SUCO: variants seen among roughly 807,000 people sequenced by gnomAD.
SUCO encodes SUN domain containing ossification factor, also known as SUN domain-containing ossification factor.
SUCO carries 57 observed loss-of-function variants against 148.1 expected under a neutral mutation model. The ratio of observed to expected loss-of-function variants is 0.38; its 90% CI spans 0.31 to 0.48. The LOEUF (loss-of-function observed/expected upper bound fraction) is 0.48, where lower values mean the gene tolerates loss of function less well. Among genes scored for constraint, SUCO ranks in the 20% least tolerant of loss-of-function variants. The pLI is 0.96. For synonymous variants in SUCO, 470 were observed against 502.7 expected (o/e 0.93, Z 0.87); for missense variants, 1,331 against 1,468.2 (o/e 0.91, Z 1.53).
At chr1:172,580,086 C>T (rs1490605291) in intron 15 of SUCO, among the ~76,000 whole-genome samples, 1 of 152,124 alleles carries the variant, frequency 6.6e-6, no homozygotes, top group African/African-American at 2.4e-5. Context: ...AGTCTAAATA[C>T]TTAGGTTGAT....
chr1:172,594,308 C>T (rs1571276533), intron 19 of SUCO, among the ~76,000 whole-genome samples: 1 of 149,464 alleles, frequency 6.7e-6, no homozygotes, highest in Non-Finnish European at 1.5e-5. Context: ...TTAGTTATTT[C>T]TTGCCTTCTG....
In SUCO at chr1:172,600,141, A is replaced by G; in HGVS notation, c.2991A>G (p.Ser997=). 1 of 1,611,822 alleles carries G rather than the reference A, an allele frequency of 6.2e-7. No homozygotes were observed. The highest frequency in any genetic ancestry group is 8.5e-7 in the Non-Finnish European group (1 of 1,179,512). The part of the protein sequence containing the change: ...TNMTQLVSNL[S]ATVAELKREV... Reference sequence around the variant, plus strand: ...TGACACAGCTTGTTTCAAATTTATCAGCAACAGTAGCAGAATTGAAACGGG... The same window carrying G: ...TGACACAGCTTGTTTCAAATTTATCGGCAACAGTAGCAGAATTGAAACGGG... Residue 997 remains serine, a synonymous_variant, in exon 20 of 24, where the codon TCA becomes TCG. Coordinates refer to ENST00000263688, the MANE Select transcript of SUCO (RefSeq NM_014283.5).
intron 6 of SUCO, among the ~76,000 whole-genome samples, chr1:172,559,955 A>G (rs561034150): frequency 9.2e-5 from 14 of 152,148 alleles, no homozygotes; most frequent in Non-Finnish European, 1.9e-4. Flanking sequence ...TTCCTCCCTC[A>G]GAGATTAGAT....
At chr1:172,569,190 G>A (rs1052528963) in intron 7 of SUCO, 48 bp downstream of exon 7, 8 of 1,385,152 alleles carry the variant, frequency 5.8e-6, no homozygotes, top group Non-Finnish European at 7.8e-6. Flanking sequence ...AGTATATGGT[G>A]TAGTTTAATA....
At chr1:172,548,182 C>G (rs879902411) in intron 1 of SUCO, among the ~76,000 whole-genome samples, 19 of 151,784 alleles carry the variant, frequency 1.3e-4, no homozygotes, top group Non-Finnish European at 2.4e-4. Flanking sequence ...TGCAATGTTT[C>G]TAGAAATTTA....
At chr1:172,555,481 A>AGT in intron 3 of SUCO, 1 of 898,112 alleles carries the variant, frequency 1.1e-6, no homozygotes, top group Non-Finnish European at 1.3e-6. Flanking sequence ...ATTGATACAC[A>AGT]TTATTTCCTA....
intron 22 of SUCO, among the ~76,000 whole-genome samples, chr1:172,606,541 C>G (rs1657881546): frequency 6.6e-6 from 1 of 151,682 alleles, no homozygotes; most frequent in Non-Finnish European, 1.5e-5. Context: ...TATTTTAATT[C>G]TATTCTTTCT....
intron 19 of SUCO, among the ~76,000 whole-genome samples, chr1:172,591,322 G>A (rs952803303): frequency 4.6e-5 from 7 of 151,562 alleles, no homozygotes; most frequent in African/African-American, 7.3e-5. Context: ...TGTGTACAAC[G>A]TGCAAGTTTG....
At chr1:172,588,031 G>C in intron 17 of SUCO, 1 of 939,818 alleles carries the variant, frequency 1.1e-6, no homozygotes, top group South Asian at 4.9e-5. Flanking sequence ...TAGCAGCACT[G>C]TTAGCATATC....
intron 22 of SUCO, among the ~76,000 whole-genome samples, chr1:172,603,968 G>A (rs1657693364): frequency 6.6e-6 from 1 of 151,902 alleles, no homozygotes; most frequent in South Asian, 2.1e-4. Context: ...CATTTCTGTT[G>A]GGTATACACT....
chr1:172,590,296 ATT>A (rs1319017989), intron 18 of SUCO: 2 of 980,844 alleles, frequency 2.0e-6, no homozygotes, highest in African/African-American at 1.8e-5. Context: ...TTTTAGTGGA[ATT>A]TGACCAGATA....
At chr1:172,556,118 T>G in intron 4 of SUCO, 95 bp downstream of exon 4, 1 of 978,284 alleles carries the variant, frequency 1.0e-6, no homozygotes, top group Non-Finnish European at 1.5e-6. Context: ...TACTCAAGTT[T>G]GAAGTTTAGG....
rs539337655 is a variant in SUCO at position 172,599,316 on chromosome 1, G to A, written c.2914-748G>A. On this transcript the variant is annotated intron_variant, in intron 19 of 23. Coordinates refer to ENST00000263688, the MANE Select transcript of SUCO (RefSeq NM_014283.5). ...TGCACTCCAGCCTGGGCGACAGAGC[G>A]AGACTCCGTCTCAAAAAAAAATAAA... The A allele has an allele frequency of 9.0e-5, 25 of 278,734 alleles. No individual in the cohort carries two copies. The Admixed American group carries it at 1.0e-3, about 12-fold the overall frequency. The allele number at this position is 278,734 out of a possible 1,614,324, so 17.3% of individuals were successfully genotyped here.
intron 9 of SUCO, among the ~76,000 whole-genome samples, chr1:172,572,422 A>G (rs2149247519): frequency 6.6e-6 from 1 of 151,970 alleles, no homozygotes; most frequent in East Asian, 1.9e-4. Context: ...GCTCCCTGAA[A>G]CATGTGCTGT....
chr1:172,600,711 T>C (rs911352665), intron 20 of SUCO, among the ~76,000 whole-genome samples: 6 of 151,400 alleles, frequency 4.0e-5, no homozygotes, highest in Admixed American at 1.3e-4. Flanking sequence ...TGTGTGTGTG[T>C]GTGTGTGTGT....
intron 13 of SUCO, 73 bp from the exon 14 acceptor site, chr1:172,578,225 T>G: frequency 1.7e-6 from 2 of 1,146,752 alleles, no homozygotes; most frequent in Non-Finnish European, 2.6e-6. Flanking sequence ...TTGATGTTTG[T>G]CATTTATTGT....
In SUCO at chr1:172,589,220, C is replaced by T. The variant is rs374716987; in HGVS notation, c.2119C>T (p.His707Tyr). 20 of 1,613,838 alleles carry T rather than the reference C, an allele frequency of 1.2e-5. No homozygotes were observed. The highest frequency in any genetic ancestry group is 1.6e-5 in the Non-Finnish European group (19 of 1,179,922). ...TCTGGGTGATTTAAGTAGTAGTATG[C>T]ACCAGGATGACTTGGTGAATCACAC... is the stretch of plus-strand genomic sequence containing the variant. Reference protein sequence around the residue: ...VVLGDLSSSMHQDDLVNHTVD... With the variant: ...VVLGDLSSSMYQDDLVNHTVD... Residue 707 changes from histidine (H) to tyrosine (Y), a missense_variant, in exon 18 of 24, where the codon CAC becomes TAC. By Grantham distance (83) the His-to-Tyr change is moderately conservative. Coordinates refer to ENST00000263688, the MANE Select transcript of SUCO (RefSeq NM_014283.5).
intron 14 of SUCO, 161 bp downstream of exon 14, chr1:172,578,550 T>C (rs898337210): frequency 1.0e-6 from 1 of 973,316 alleles, no homozygotes; most frequent in Non-Finnish European, 1.2e-6. Flanking sequence ...TAAATCTGTT[T>C]TCTAATATGA....
At chr1:172,538,952 G>T (rs187769606) in intron 1 of SUCO, among the ~76,000 whole-genome samples, 49 of 152,306 alleles carry the variant, frequency 3.2e-4, no homozygotes, top group African/African-American at 9.1e-4. Context: ...GGCAAATGAC[G>T]TGTTTCATGT....
Sources: gnomAD v4.1 joint callset for allele counts (sites outside exome capture counted in the v4.1 genomes callset) on GRCh38, gnomAD v4.1.1 for gene constraint, MANE v1.5 for transcripts, NCBI Gene and HGNC (gene_info 2026-07-23, HGNC 2026-07-21) for gene names.